ARHGAP8: variants seen among roughly 807,000 people sequenced by gnomAD.
The protein encoded by ARHGAP8 is rho GTPase-activating protein 8.
In ARHGAP8, 62 loss-of-function variants were observed where a neutral mutation model predicts 46.1. The observed-to-expected ratio is 1.34, with a 90% CI of 1.10 to 1.66. The LOEUF (loss-of-function observed/expected upper bound fraction) is 1.66, where lower values mean the gene tolerates loss of function less well. Ranked by LOEUF, ARHGAP8 falls within the 40% of genes most tolerant of loss-of-function variation. The probability of loss-of-function intolerance (pLI) is 0.00; values close to 1 mark genes in which losing one functional copy is unlikely to be tolerated. For synonymous variants in ARHGAP8, 375 were observed against 243.1 expected (o/e 1.54, Z -5.05); for missense variants, 923 against 568.4 (o/e 1.62, Z -6.34).
rs778988324 is a variant in ARHGAP8, at chr22:44,802,141, G to A, written c.144G>A (p.Glu48=). 9.3e-6 allele frequency: 15 copies of A among 1,614,122 alleles called. No individual in the cohort carries two copies. Among genetic ancestry groups the A allele is most frequent in the Admixed American group, 1.7e-5 (1 of 60,022 alleles). Residue 48 remains glutamate (E), a synonymous_variant, in exon 3 of 12, where the codon GAG becomes GAA. Coordinates refer to ENST00000356099, the MANE Select transcript of ARHGAP8 (RefSeq NM_181335.3). Reference sequence around the variant, plus strand: ...GCTGCCGGATGCCACCCTCCCACGAGCTGGACCACCAGCGGCTGCTGGAGT... The same window carrying A: ...GCTGCCGGATGCCACCCTCCCACGAACTGGACCACCAGCGGCTGCTGGAGT... The part of the protein sequence containing the change: ...FSCCRMPPSH[E]LDHQRLLEYL...
intron 5 of ARHGAP8, among the ~76,000 whole-genome samples, chr22:44,818,573 AAAG>A (rs1929915694): frequency 6.6e-6 from 1 of 152,244 alleles, no homozygotes; most frequent in African/African-American, 2.4e-5. Context: ...ACCCTCAACA[AAAG>A]AGCCAACCCC....
At chr22:44,809,035 T>G (rs758354549) in intron 4 of ARHGAP8, 20 of 459,448 alleles carry the variant, frequency 4.4e-5, no homozygotes, top group Non-Finnish European at 8.4e-5. Context: ...TGGCCCAGGC[T>G]GGTCTCGAAC....
At chr22:44,768,824 G>A (rs5764994) in intron 1 of ARHGAP8, among the ~76,000 whole-genome samples, 29,564 of 150,326 alleles carry the variant, frequency 0.2, 4,197 homozygotes, top group East Asian at 0.65. Flanking sequence ...AGTCCCTGTC[G>A]TGGAGGTGTG....
At chr22:44,763,120 G>A (rs2146995233) in intron 1 of ARHGAP8, among the ~76,000 whole-genome samples, 1 of 152,260 alleles carries the variant, frequency 6.6e-6, no homozygotes, top group South Asian at 2.1e-4. Context: ...TGCTGGTTGG[G>A]AAGGTGGGGA....
intron 2 of ARHGAP8, 47 bp from the exon 3 acceptor site, chr22:44,802,030 T>C: frequency 6.2e-7 from 1 of 1,607,386 alleles, no homozygotes; most frequent in Non-Finnish European, 8.5e-7. Flanking sequence ...CCTGAGGATT[T>C]TCTAGGAGAA....
At position 44,778,130 on chromosome 22, in the gene ARHGAP8, CT is replaced by C. The variant is rs1926560993; in HGVS notation, c.-71-8326del. The stretch of plus-strand genomic sequence containing the variant: ...TGTGAGATTTGGGTGCACCCATCAC[CT>C]GAGCAGTATACATTGCATTCAATGT... On this transcript the variant is annotated intron_variant, in intron 1 of 11. Coordinates refer to ENST00000356099, the MANE Select transcript of ARHGAP8 (RefSeq NM_181335.3). Among the ~76,000 whole-genome samples the C allele has an allele frequency of 2.0e-5, 3 of 152,014 alleles. No individual in the cohort carries two copies. In the South Asian group the frequency reaches 6.2e-4, roughly 32 times the overall value.
At chr22:44,799,537 G>A (rs954095160) in intron 2 of ARHGAP8, among the ~76,000 whole-genome samples, 2 of 152,088 alleles carry the variant, frequency 1.3e-5, no homozygotes, top group Admixed American at 6.5e-5. Context: ...CCAGGTCCTC[G>A]GGGGCAGAGG....
At chr22:44,830,429 C>T (rs112916012) in intron 7 of ARHGAP8, among the ~76,000 whole-genome samples, 2,169 of 152,154 alleles carry the variant, frequency 0.014, 35 homozygotes, top group Middle Eastern at 0.048. Context: ...CCTTCCAGTT[C>T]GGATGATTCT....
At chr22:44,854,554 T>C (rs61399244) in intron 10 of ARHGAP8, among the ~76,000 whole-genome samples, 8,326 of 152,090 alleles carry the variant, frequency 0.055, 564 homozygotes, top group East Asian at 0.38. Context: ...TTTTTAACCC[T>C]ACTTCACTAG....
chr22:44,824,913 G>A (rs1034272125), intron 6 of ARHGAP8, among the ~76,000 whole-genome samples: 8 of 152,028 alleles, frequency 5.3e-5, no homozygotes, highest in Non-Finnish European at 1.0e-4. Context: ...GATTACAGGC[G>A]TGAGCCACCG....
At chr22:44,822,918 A>T (rs112260652) in intron 6 of ARHGAP8, among the ~76,000 whole-genome samples, 2,254 of 152,318 alleles carry the variant, frequency 0.015, 39 homozygotes, top group Middle Eastern at 0.041. Context: ...GTCTGCTACA[A>T]GGCTTAAATG....
Position 44,787,029 on chromosome 22 carries a change from C to CAAAAAA in ARHGAP8, c.79+425_79+430dup, listed in dbSNP as rs34957650. Among the ~76,000 whole-genome samples, 277 of 94,762 alleles carry CAAAAAA rather than the reference C, an allele frequency of 2.9e-3. 6 individuals carry two copies. The highest frequency in any genetic ancestry group is 7.7e-3 in the African/African-American group (193 of 24,952). 62.2% of individuals were successfully genotyped at this position (94,762 alleles called of 152,430 possible). On this transcript the variant is annotated intron_variant, in intron 2 of 11. Coordinates refer to ENST00000356099, the MANE Select transcript of ARHGAP8 (RefSeq NM_181335.3). ...GTGACAGAGTGGTGAGACCCTGTCT[C>CAAAAAA]AAAAAAACAAAAAAAAAAAAAAGAA...
Position 44,862,518 on chromosome 22 carries a change from C to G in ARHGAP8, c.1225C>G (p.Pro409Ala). ...GGCAGCCCCTTTGCAGGAGGCTGTG[C>G]CACGGACACAAGCCACGGGCCTCAC... ...SRAAPLQEAV[P>A]RTQATGLTKP... The change falls in exon 12 of 12, where the codon CCA (proline) becomes GCA (alanine). Residue 409 changes from proline (P) to alanine (A), a missense_variant. By Grantham distance (27) the Pro-to-Ala change is conservative. Coordinates refer to ENST00000356099, the MANE Select transcript of ARHGAP8 (RefSeq NM_181335.3). The G allele has an allele frequency of 6.2e-7, 1 of 1,612,154 alleles. No individual in the cohort carries two copies. The highest frequency in any genetic ancestry group is 8.5e-7 in the Non-Finnish European group (1 of 1,178,550).
intron 10 of ARHGAP8, among the ~76,000 whole-genome samples, chr22:44,853,935 G>T (rs1414772599): frequency 6.7e-6 from 1 of 148,626 alleles, no homozygotes; most frequent in Admixed American, 6.8e-5. Flanking sequence ...GCTGAGGCAG[G>T]AGGATCGCTT....
At chr22:44,786,126 C>A in intron 1 of ARHGAP8, 1 of 440,110 alleles carries the variant, frequency 2.3e-6, no homozygotes, top group Admixed American at 3.9e-5. Context: ...GGGTGCATGG[C>A]TGAGGTAGGT....
At chr22:44,807,994 T>G (rs143238885) in intron 3 of ARHGAP8, among the ~76,000 whole-genome samples, 29 of 152,338 alleles carry the variant, frequency 1.9e-4, no homozygotes, top group African/African-American at 5.5e-4. Flanking sequence ...TAATTGCACC[T>G]ACAAAGACCT....
In ARHGAP8 at chr22:44,858,191, G is replaced by A. The variant is rs114573344; in HGVS notation, c.878-1540G>A. ...TGTGTCCTGGCAGTGGGTGTTTGTA[G>A]AGCACCCGGTGGTCACCAGCAACTC... is the stretch of plus-strand genomic sequence containing the variant. On this transcript the variant is annotated intron_variant, in intron 10 of 11. Coordinates refer to ENST00000356099, the MANE Select transcript of ARHGAP8 (RefSeq NM_181335.3). 5.8e-3 allele frequency among the ~76,000 whole-genome samples: 878 copies of A among 152,326 alleles called. 13 individuals are homozygous for A. The highest frequency in any genetic ancestry group is 0.039 in the East Asian group (203 of 5,188).
rs1281158761 is a variant in ARHGAP8, at chr22:44,848,996, C to A, written c.813C>A (p.Phe271Leu). The A allele has an allele frequency of 1.9e-6, 3 of 1,614,028 alleles. No individual in the cohort carries two copies. The highest frequency in any genetic ancestry group is 2.5e-6 in the Non-Finnish European group (3 of 1,180,052). The change falls in exon 10 of 12, where the codon TTC (phenylalanine) becomes TTA (leucine). Residue 271 changes from phenylalanine to leucine, a missense_variant. Physicochemically the swap from Phe to Leu is conservative, Grantham distance 22. Coordinates refer to ENST00000356099, the MANE Select transcript of ARHGAP8 (RefSeq NM_181335.3). Reference sequence around the variant, plus strand: ...TCCCTGCCGTGATCCTGAAGACCTTCCTGCGAGAGCTGCCCCAGCCGCTTC... The same window carrying A: ...TCCCTGCCGTGATCCTGAAGACCTTACTGCGAGAGCTGCCCCAGCCGCTTC... ...IHIPAVILKT[F>L]LRELPQPLLT...
chr22:44,814,525 A>G, intron 4 of ARHGAP8, 147 bp from the exon 5 acceptor site: 2 of 686,996 alleles, frequency 2.9e-6, no homozygotes, highest in Non-Finnish European at 4.8e-6. Context: ...AGTTTATTTC[A>G]TTCTTTGTTT....
Sources: allele counts gnomAD v4.1 joint callset (sites outside exome capture counted in the v4.1 genomes callset), GRCh38; gene constraint gnomAD v4.1.1; transcripts MANE v1.5; gene names NCBI Gene and HGNC (gene_info 2026-07-23, HGNC 2026-07-21).